The following FSTL4 variants were observed in gnomAD, a reference collection of about 807,000 sequenced individuals.
FSTL4 encodes follistatin-related protein 4.
FSTL4 carries 28 observed loss-of-function variants against 78.2 expected under a neutral mutation model. The observed-to-expected ratio is 0.36, with a 90% confidence interval of 0.27 to 0.49. The LOEUF is 0.49. Ranked by LOEUF, FSTL4 falls within the 20% of genes least tolerant of loss-of-function variation. The probability of loss-of-function intolerance (pLI) is 0.98; values close to 1 mark genes in which losing one functional copy is unlikely to be tolerated. For missense variants in FSTL4, 922 were observed against 1,084.9 expected, an observed-to-expected ratio of 0.85 and a Z score of 2.11; for synonymous variants, 422 against 440.5, an observed-to-expected ratio of 0.96 and a Z score of 0.53.
At chr5:133,840,468 T>C in the FSTL4 span, among the ~76,000 whole-genome samples, 5 of 152,234 alleles carry the variant, frequency 3.3e-5, 1 homozygote, top group African/African-American at 9.6e-5. Flanking sequence ...TTTCCAGTCC[T>C]CAGTCTCAGA....
chr5:133,700,006 C>A, the FSTL4 span, among the ~76,000 whole-genome samples: 19 of 152,024 alleles, frequency 1.2e-4, no homozygotes, highest in Non-Finnish European at 7.4e-5. Context: ...CTCCAGACTT[C>A]TTGTCAGATT....
intron 4 of FSTL4, among the ~76,000 whole-genome samples, chr5:133,366,591 T>A (rs2126939199): frequency 6.6e-6 from 1 of 152,204 alleles, no homozygotes; most frequent in South Asian, 2.1e-4. Flanking sequence ...TTCTTCTGCC[T>A]GCTTCCCCAT....
chr5:133,284,580 A>G (rs1753085457), intron 6 of FSTL4, among the ~76,000 whole-genome samples: 1 of 151,384 alleles, frequency 6.6e-6, no homozygotes, highest in Admixed American at 6.6e-5. Context: ...ACCTGTGCAG[A>G]CACAGCCCCT....
intron 6 of FSTL4, among the ~76,000 whole-genome samples, chr5:133,262,091 C>T (rs1344618723): frequency 1.3e-5 from 2 of 152,282 alleles, no homozygotes; most frequent in African/African-American, 4.8e-5. Flanking sequence ...GGTTAAGTCT[C>T]GCACCCCCTA....
At chr5:133,631,745 A>G in the FSTL4 span, among the ~76,000 whole-genome samples, 1 of 152,284 alleles carries the variant, frequency 6.6e-6, no homozygotes, top group South Asian at 2.1e-4. Context: ...CTTGAAACCA[A>G]CCCAAATGCC....
chr5:133,641,322 C>T, the FSTL4 span, among the ~76,000 whole-genome samples: 30 of 152,194 alleles, frequency 2.0e-4, no homozygotes, highest in African/African-American at 7.2e-4. Flanking sequence ...GCTTACTGTT[C>T]TCAGGCTCAA....
At chr5:133,567,349 G>T in intron 2 of FSTL4, 130 bp from the exon 3 acceptor site, 1 of 721,316 alleles carries the variant, frequency 1.4e-6, no homozygotes, top group Non-Finnish European at 2.4e-6. Flanking sequence ...ATGACACTGA[G>T]CAATGTTGGT....
chr5:133,704,318 T>G, the FSTL4 span, among the ~76,000 whole-genome samples: 1 of 152,194 alleles, frequency 6.6e-6, no homozygotes, highest in East Asian at 1.9e-4. Context: ...GACTGGCAAT[T>G]GTGAGAAGCT....
chr5:133,730,246 G>A, the FSTL4 span, among the ~76,000 whole-genome samples: 3 of 152,172 alleles, frequency 2.0e-5, no homozygotes, highest in Non-Finnish European at 2.9e-5. Context: ...TTCCAAAGTG[G>A]AGGAAGTAAA....
chr5:133,367,997 G>T (rs1189853972), intron 4 of FSTL4, among the ~76,000 whole-genome samples: 1 of 152,260 alleles, frequency 6.6e-6, no homozygotes, highest in Non-Finnish European at 1.5e-5. Flanking sequence ...GTGGAACCAG[G>T]AGACCATCTC....
the FSTL4 span, among the ~76,000 whole-genome samples, chr5:133,732,770 G>A: frequency 6.6e-6 from 1 of 152,130 alleles, no homozygotes; most frequent in Non-Finnish European, 1.5e-5. Context: ...AGGCCTGCAC[G>A]GCCCACAGTG....
chr5:133,694,256 G>A, the FSTL4 span, among the ~76,000 whole-genome samples: 126 of 152,316 alleles, frequency 8.3e-4, 2 homozygotes, highest in South Asian at 0.013. Flanking sequence ...GGACTGTGCT[G>A]TCCTCCCAGG....
intron 3 of FSTL4, among the ~76,000 whole-genome samples, chr5:133,401,835 GA>G (rs1401001869): frequency 6.7e-6 from 1 of 149,318 alleles, no homozygotes; most frequent in African/African-American, 2.6e-5. Flanking sequence ...TAGAAGACTA[GA>G]TGTGAGTAGG....
At chr5:133,538,881 C>T (rs562394234) in intron 3 of FSTL4, among the ~76,000 whole-genome samples, 4 of 152,194 alleles carry the variant, frequency 2.6e-5, no homozygotes, top group African/African-American at 9.6e-5. Flanking sequence ...GCTGGGAGAG[C>T]GGGGGGCTAG....
Position 133,536,919 on chromosome 5 carries a change from T to C in FSTL4, c.160+30267A>G, listed in dbSNP as rs995787497. On this transcript the variant is annotated intron_variant, in intron 3 of 15. Transcript: ENST00000265342. ...TATAATTTTAAATTATGAACAGAGG[T>C]GCTAGAACTTTCTTGTTCATGTCTC... is the stretch of plus-strand genomic sequence containing the variant. Among the ~76,000 whole-genome samples the C allele has an allele frequency of 2.6e-5, 4 of 152,280 alleles. No individual in the cohort carries two copies. The East Asian group carries it at 7.7e-4, about 29-fold the overall frequency.
intron 3 of FSTL4, among the ~76,000 whole-genome samples, chr5:133,441,270 T>G (rs1278456185): frequency 2.0e-5 from 3 of 152,096 alleles, no homozygotes; most frequent in Non-Finnish European, 4.4e-5. Context: ...CAGCAACTCT[T>G]GCTCATTGTT....
chr5:133,641,278 A>AACAAAAATAC, the FSTL4 span, among the ~76,000 whole-genome samples: 8 of 151,900 alleles, frequency 5.3e-5, no homozygotes, highest in Admixed American at 1.3e-4. Context: ...ACAAAAAAAA[A>AACAAAAATAC]CACGTACTGA....
At chr5:133,343,864 G>C (rs983494008) in intron 4 of FSTL4, among the ~76,000 whole-genome samples, 1 of 152,056 alleles carries the variant, frequency 6.6e-6, no homozygotes, top group African/African-American at 2.4e-5. Flanking sequence ...AGCACAGGAT[G>C]GTCGAGGGAA....
chr5:133,599,468 T>A (rs1014495545), intron 2 of FSTL4, among the ~76,000 whole-genome samples: 1 of 152,172 alleles, frequency 6.6e-6, no homozygotes, highest in Non-Finnish European at 1.5e-5. Context: ...AATTTGCAAA[T>A]ACTGAAAACC....
Sources: gnomAD v4.1 joint callset for allele counts (sites outside exome capture counted in the v4.1 genomes callset) on GRCh38, gnomAD v4.1.1 for gene constraint, MANE v1.5 for transcripts, NCBI Gene and HGNC (gene_info 2026-07-23, HGNC 2026-07-21) for gene names.